Variants in RPS6KA3 observed in about 807,000 individuals in gnomAD.
RPS6KA3 encodes ribosomal protein S6 kinase alpha-3.
Under a neutral mutation model 67.2 loss-of-function variants are expected in RPS6KA3, and 4 were observed. The observed-to-expected ratio is 0.06, with a 90% CI of 0.03 to 0.14. The LOEUF (loss-of-function observed/expected upper bound fraction) is 0.14. Ranked by LOEUF, RPS6KA3 falls within the 10% of genes least tolerant of loss-of-function variation. RPS6KA3 has a pLI of 1.00. For synonymous variants in RPS6KA3, 182 were observed against 183.7 expected (o/e 0.99, Z 0.07); for missense variants, 204 against 559.0 (o/e 0.36, Z 6.40).
chrX:20,231,540 AC>A (rs1198388874), intron 2 of RPS6KA3, among the ~76,000 whole-genome samples: 4 of 111,910 alleles, frequency 3.6e-5, no homozygotes, highest in African/African-American at 1.3e-4. Flanking sequence ...ATTTAAAAAA[AC>A]ATATAATAAA....
Position 20,188,104 on chromosome X carries a change from C to T in RPS6KA3, c.632-134G>A, listed in dbSNP as rs2068031545. The T allele has an allele frequency of 1.2e-5, 7 of 585,106 alleles. No homozygotes were observed. In the East Asian group the frequency reaches 1.5e-4, roughly 12 times the overall value. The allele number at this position is 585,106 out of a possible 1,213,427, so 48.2% of individuals were successfully genotyped here. A position where few individuals can be genotyped will look rare whatever the true frequency, so the allele number is the denominator to read the frequency against. On this transcript the variant is annotated intron_variant, in intron 8 of 21. Coordinates refer to ENST00000379565, the MANE Select transcript of RPS6KA3 (RefSeq NM_004586.3). ...TTGTTTGTTTTTTGAGACAGAGTCT[C>T]GCTCTGTCACCCAGGCTGGAGTACA... is the stretch of plus-strand genomic sequence containing the variant.
rs149737107 is a variant in RPS6KA3, at chrX:20,151,664, A to T, written c.*3734T>A. Reference sequence around the variant, plus strand: ...CTTCATAAGTCTCAATGCTCAATCAACCATAAGATAGAATTTTCTTTATAA... The same window carrying T: ...CTTCATAAGTCTCAATGCTCAATCATCCATAAGATAGAATTTTCTTTATAA... On this transcript the variant is annotated 3_prime_UTR_variant, in exon 22 of 22. Coordinates refer to ENST00000379565, the MANE Select transcript of RPS6KA3 (RefSeq NM_004586.3). The T allele has an allele frequency of 6.2e-5, 7 of 112,090 alleles. No individual in the cohort carries two copies. Among genetic ancestry groups the T allele is most frequent in the African/African-American group, 2.3e-4 (7 of 30,827 alleles). The allele number at this position is 112,090 out of a possible 1,213,427, so 9.2% of individuals were successfully genotyped here.
intron 2 of RPS6KA3, among the ~76,000 whole-genome samples, chrX:20,227,139 A>C (rs1264683040): frequency 9.1e-6 from 1 of 110,194 alleles, no homozygotes; most frequent in African/African-American, 3.3e-5. Flanking sequence ...CTATTCCCCC[A>C]CCTCTTCCCC....
rs1341937103 is a variant in RPS6KA3 at position 20,179,442 on chromosome X, T to C, written c.846-2358A>G. ...GCAGAGGGGGAAGAAAAGCATATCATAGACGGATCCTGGGGGATAAGACCA... is the reference window on the plus strand; with the variant it reads ...GCAGAGGGGGAAGAAAAGCATATCACAGACGGATCCTGGGGGATAAGACCA... On this transcript the variant is annotated intron_variant, in intron 10 of 21. Transcript: ENST00000379565. 2.7e-5 allele frequency among the ~76,000 whole-genome samples: 3 copies of C among 110,799 alleles called. No individual in the cohort carries two copies. The Admixed American group carries it at 2.9e-4, about 11-fold the overall frequency.
chrX:20,197,259 G>A (rs1196031942), intron 4 of RPS6KA3, among the ~76,000 whole-genome samples: 1 of 112,589 alleles, frequency 8.9e-6, no homozygotes, highest in Non-Finnish European at 1.9e-5. Context: ...TTTTGGATTA[G>A]TTCCTATCAC....
At chrX:20,183,385 C>CT (rs917627321) in intron 10 of RPS6KA3, among the ~76,000 whole-genome samples, 1 of 110,345 alleles carries the variant, frequency 9.1e-6, no homozygotes, top group Non-Finnish European at 1.9e-5. Context: ...TTTTTATATT[C>CT]TTTAACTCAT....
intron 10 of RPS6KA3, among the ~76,000 whole-genome samples, chrX:20,178,560 C>T (rs1184804834): frequency 9.8e-6 from 1 of 101,863 alleles, no homozygotes; most frequent in Admixed American, 1.1e-4. Flanking sequence ...GCAATCTCTG[C>T]CTTCTGGGTT....
intron 1 of RPS6KA3, among the ~76,000 whole-genome samples, chrX:20,247,483 T>A (rs116349180): frequency 9.0e-6 from 1 of 111,048 alleles, no homozygotes; most frequent in Non-Finnish European, 1.9e-5. Context: ...CCTAAGGAAA[T>A]TTTTAAAAAC....
chrX:20,259,475 G>A (rs756999409), intron 1 of RPS6KA3, among the ~76,000 whole-genome samples: 25 of 110,552 alleles, frequency 2.3e-4, no homozygotes, highest in Non-Finnish European at 3.4e-4. Context: ...CTATTAAGAC[G>A]GAACATTTTT....
intron 1 of RPS6KA3, among the ~76,000 whole-genome samples, chrX:20,255,014 T>C (rs1276378522): frequency 8.9e-6 from 1 of 112,330 alleles, no homozygotes; most frequent in East Asian, 2.8e-4. Context: ...AAACATGTGT[T>C]CACATAAAAA....
rs779342676 is a variant in RPS6KA3 at position 20,176,357 on chromosome X, A to AG, written c.1000-6dup. ...AATTTCTCTTCTATACAGTTTCTGG[A>AG]GGGGAAAAAAAAAAGAGACTTAGAC... On this transcript the variant is annotated splice_region_variant and splice_polypyrimidine_tract_variant and intron_variant, in intron 12 of 21. Coordinates refer to ENST00000379565, the MANE Select transcript of RPS6KA3 (RefSeq NM_004586.3). 3.5e-6 allele frequency: 4 copies of AG among 1,145,349 alleles called. No individual in the cohort carries two copies. The highest frequency in any genetic ancestry group is 3.6e-5 in the South Asian group (2 of 55,061). 94.4% of individuals were successfully genotyped at this position (1,145,349 alleles called of 1,213,427 possible).
Position 20,209,391 on chromosome X carries a change from A to T in RPS6KA3, c.140T>A (p.Ile47Asn). Residue 47 changes from isoleucine (I) to asparagine (N), a missense_variant, in exon 3 of 22, where the codon ATC (isoleucine) becomes AAC (asparagine). This residue lies in a region of RPS6KA3 where 31 missense variants were observed against 42.5 expected (regional missense o/e 0.73). Transcript: ENST00000379565. ...EINPQTEEVSIKEIAITHHVK... is the reference protein window; with the variant it reads ...EINPQTEEVSNKEIAITHHVK... ...ATGATGTGTGATTGCAATTTCTTTG[A>T]TACTGACTTCTTCCTGTTGAGATAA... is the stretch of plus-strand genomic sequence containing the variant. 8.8e-7 allele frequency: 1 copy of T among 1,141,410 alleles called. No homozygotes were observed. Among genetic ancestry groups the T allele is most frequent in the Non-Finnish European group, 1.2e-6 (1 of 831,504 alleles). 94.1% of individuals were successfully genotyped at this position (1,141,410 alleles called of 1,213,427 possible).
chrX:20,210,672 T>A (rs1254002767), intron 2 of RPS6KA3, among the ~76,000 whole-genome samples: 2 of 111,826 alleles, frequency 1.8e-5, no homozygotes, highest in Non-Finnish European at 3.8e-5. Context: ...TTGTAGGTTA[T>A]CCTACTACTT....
In RPS6KA3 at chrX:20,195,093, A is replaced by G; in HGVS notation, c.378T>C (p.Asn126=). The G allele has an allele frequency of 8.3e-7, 1 of 1,203,183 alleles. No individual in the cohort carries two copies. Among genetic ancestry groups the G allele is most frequent in the South Asian group, 1.8e-5 (1 of 56,777 alleles). ...KMERDILVEV[N]HPFIVKLHYA... is the part of the protein sequence containing the mutation. ...AATGCAACTTGACAATAAAAGGATG[A>G]TTAACCTCTACCAAGATATCACGTT... is the stretch of plus-strand genomic sequence containing the variant. Residue 126 remains asparagine (N), a synonymous_variant, in exon 5 of 22, where the codon AAT becomes AAC. Transcript: ENST00000379565.
intron 20 of RPS6KA3, 119 bp downstream of exon 20, chrX:20,161,525 T>C: frequency 3.6e-6 from 1 of 277,455 alleles, no homozygotes; most frequent in South Asian, 5.9e-5. Flanking sequence ...AAATTATTTG[T>C]TAACATCAGT....
chrX:20,187,788 A>C (rs2068023214), intron 9 of RPS6KA3, 40 bp downstream of exon 9: 73 of 970,185 alleles, frequency 7.5e-5, no homozygotes, highest in Non-Finnish European at 9.6e-5. Flanking sequence ...TCACTTAACA[A>C]TCTCCTTCCC....
chrX:20,224,543 T>C (rs1325211148), intron 2 of RPS6KA3, among the ~76,000 whole-genome samples: 1 of 111,839 alleles, frequency 8.9e-6, no homozygotes, highest in Non-Finnish European at 1.9e-5. Context: ...GTGTGGATCA[T>C]TCCTTTTTTC....
chrX:20,159,308 C>A (rs1221246622), intron 20 of RPS6KA3, among the ~76,000 whole-genome samples: 1 of 112,096 alleles, frequency 8.9e-6, no homozygotes, highest in East Asian at 2.8e-4. Flanking sequence ...AAAGTGTTAG[C>A]ACAGTCCTTG....
intron 1 of RPS6KA3, among the ~76,000 whole-genome samples, chrX:20,251,452 C>T (rs1027444081): frequency 4.4e-5 from 5 of 112,822 alleles, no homozygotes; most frequent in Admixed American, 3.7e-4. Context: ...GGATTACAGG[C>T]GTAAGTCTCC....
Sources: gnomAD v4.1 joint callset for allele counts (sites outside exome capture counted in the v4.1 genomes callset) on GRCh38, gnomAD v4.1.1 for gene constraint, gnomAD v4.1.1 regional missense constraint, MANE v1.5 for transcripts, NCBI Gene and HGNC (gene_info 2026-07-23, HGNC 2026-07-21) for gene names.